The following SEC16A variants were observed in gnomAD, a reference collection of about 807,000 sequenced individuals.
The protein encoded by SEC16A is protein transport protein Sec16A.
In SEC16A, 110 loss-of-function variants were observed where a neutral mutation model predicts 221.9. The ratio of observed to expected loss-of-function variants is 0.50; its 90% CI spans 0.42 to 0.58. The LOEUF is 0.58. Ranked by LOEUF, SEC16A falls within the 20% of genes least tolerant of loss-of-function variation. SEC16A has a pLI of 0.00. For synonymous variants in SEC16A, 1,393 were observed against 1,257.7 expected, an observed-to-expected ratio of 1.11 and a Z score of -2.28; for missense variants, 3,165 against 3,097.8, an observed-to-expected ratio of 1.02 and a Z score of -0.52.
chr9:136,475,804 C>G lies in SEC16A; in HGVS notation c.1812G>C (p.Gln604His), dbSNP rs1409835587. 3 of 1,585,298 alleles carry G rather than the reference C, an allele frequency of 1.9e-6. No individual in the cohort carries two copies. Among genetic ancestry groups the G allele is most frequent in the East Asian group, 4.6e-5 (2 of 43,538 alleles). The change falls in exon 3 of 32, where the codon CAG becomes CAC. Residue 604 changes from glutamine (Q) to histidine (H), a missense_variant. By Grantham distance (24) the Gln-to-His change is conservative (BLOSUM62 0). Around this residue, in one of 3 missense-constraint regions of SEC16A, gnomAD observed 2,030 missense variants for 1,923.1 expected, o/e 1.06. Coordinates refer to ENST00000684901, the MANE Select transcript of SEC16A (RefSeq NM_014866.2). The surrounding 1 kb of genome is among the most constrained non-coding windows in gnomAD (Gnocchi z 5.0). Reference protein sequence around the residue: ...PSPPKPTGIFQTSANSSFEPV... With the variant: ...PSPPKPTGIFHTSANSSFEPV... ...GTTCGAAAGAACTATTTGCACTTGTCTGAAATATTCCTGTAGGTTTCGGGG... is the reference window on the plus strand; with the variant it reads ...GTTCGAAAGAACTATTTGCACTTGTGTGAAATATTCCTGTAGGTTTCGGGG...
In SEC16A at chr9:136,459,568, G is replaced by A. The variant is rs79041595; in HGVS notation, c.5192-13C>T. On this transcript the variant is annotated splice_polypyrimidine_tract_variant and intron_variant, in intron 15 of 31. Coordinates refer to ENST00000684901, the MANE Select transcript of SEC16A (RefSeq NM_014866.2). This position sits in a 1 kb window ranked among gnomAD's most constrained non-coding sequence, Gnocchi z 6.1. ...AGGCCCCTTGAAGCTGCGGAGAGAC[G>A]ACACGACACACGGCGGGGGCTCAGC... 27 of 1,569,690 alleles carry A rather than the reference G, an allele frequency of 1.7e-5. No individual in the cohort carries two copies. The highest frequency in any genetic ancestry group is 2.3e-5 in the East Asian group (1 of 43,148).
intron 30 of SEC16A, 107 bp downstream of exon 30, chr9:136,444,945 G>C: frequency 2.4e-6 from 2 of 850,110 alleles, no homozygotes; most frequent in Non-Finnish European, 1.9e-6. Context: ...GGAGACAACG[G>C]GCGAGGTTAG....
At chr9:136,461,118 C>A in intron 13 of SEC16A, 59 bp downstream of exon 13, 1 of 1,359,436 alleles carries the variant, frequency 7.4e-7, no homozygotes, top group Non-Finnish European at 1.0e-6. Context: ...GTGCGGACGC[C>A]GCGTGCTACA....
Position 136,475,734 on chromosome 9 carries a change from G to C in SEC16A, c.1882C>G (p.Arg628Gly). The C allele has an allele frequency of 1.2e-6, 2 of 1,609,800 alleles. No homozygotes were observed. Among genetic ancestry groups the C allele is most frequent in the South Asian group, 1.1e-5 (1 of 90,304 alleles). The change falls in exon 3 of 32, where the codon CGC becomes GGC. Residue 628 changes from arginine (R) to glycine (G), a missense_variant. Arg to Gly is a moderately radical substitution (Grantham distance 125). Coordinates refer to ENST00000684901, the MANE Select transcript of SEC16A (RefSeq NM_014866.2). The surrounding 1 kb of genome is among the most constrained non-coding windows in gnomAD (Gnocchi z 5.0). ...LVGVKPFEAD[R>G]ANVVGEVRET... Reference sequence around the variant, plus strand: ...CTTACTTCACCAACCACGTTGGCGCGATCTGCCTCAAATGGTTTTACCCCA... The same window carrying C: ...CTTACTTCACCAACCACGTTGGCGCCATCTGCCTCAAATGGTTTTACCCCA...
chr9:136,450,307 T>C (rs1472567360), intron 23 of SEC16A, among the ~76,000 whole-genome samples: 1 of 152,134 alleles, frequency 6.6e-6, no homozygotes, highest in Non-Finnish European at 1.5e-5. Flanking sequence ...AGAGGACTTA[T>C]ATCCATAATA....
At chr9:136,482,553 G>C (rs1323450978) in intron 1 of SEC16A, among the ~76,000 whole-genome samples, 1 of 152,242 alleles carries the variant, frequency 6.6e-6, no homozygotes, top group African/African-American at 2.4e-5. Flanking sequence ...ATGTAAATGT[G>C]TCTCTTCACC....
At chr9:136,443,468 T>C (rs1181813988) in intron 31 of SEC16A, among the ~76,000 whole-genome samples, 1 of 152,218 alleles carries the variant, frequency 6.6e-6, no homozygotes, top group African/African-American at 2.4e-5. Flanking sequence ...GAAGATCGCT[T>C]GAGCCTAGTA....
Position 136,464,440 on chromosome 9 carries a change from C to T in SEC16A, c.4426G>A (p.Val1476Met), listed in dbSNP as rs1481601000. Residue 1476 changes from valine to methionine, a missense_variant, in exon 9 of 32, where the codon GTG becomes ATG. Physicochemically the swap from Val to Met is conservative, Grantham distance 21. Coordinates refer to ENST00000684901, the MANE Select transcript of SEC16A (RefSeq NM_014866.2). Reference protein sequence around the residue: ...NLPSEGQPALVEVHSMEALLQ... With the variant: ...NLPSEGQPALMEVHSMEALLQ... ...ATTACCTCCATGCTGTGGACCTCCA[C>T]CAAGGCCGGCTGTCCTTCTGAAGGC... The T allele has an allele frequency of 1.2e-6, 2 of 1,611,388 alleles. No homozygotes were observed. The highest frequency in any genetic ancestry group is 1.7e-6 in the Non-Finnish European group (2 of 1,177,692).
intron 18 of SEC16A, among the ~76,000 whole-genome samples, chr9:136,457,195 C>T (rs1185229148): frequency 6.6e-6 from 1 of 152,238 alleles, no homozygotes. Flanking sequence ...GAGTATCCTA[C>T]AGGTAGTTCC....
rs201641913 is a variant in SEC16A at position 136,475,279 on chromosome 9, C to T, written c.2337G>A (p.Val779=). The T allele has an allele frequency of 1.1e-3, 1,739 of 1,613,382 alleles. 1 individual carries two copies. The highest frequency in any genetic ancestry group is 1.4e-3 in the South Asian group (124 of 91,088). The part of the protein sequence containing the change: ...QSRNPSSAAP[V]QSRGGIGASE... ...AAGCACCAATGCCACCTCGGCTCTG[C>T]ACCGGGGCCGCCGAGCTTGGGTTCC... Residue 779 remains valine (V), a synonymous_variant, in exon 3 of 32, where the codon GTG becomes GTA. Transcript: ENST00000684901. The surrounding 1 kb of genome is among the most constrained non-coding windows in gnomAD (Gnocchi z 5.0).
chr9:136,457,653 T>G (rs1456423380), intron 17 of SEC16A, 69 bp from the exon 18 acceptor site: 14 of 1,529,446 alleles, frequency 9.2e-6, no homozygotes, highest in African/African-American at 1.4e-5. Flanking sequence ...GACAAAGCCT[T>G]GTACTGCCCT....
At position 136,446,866 on chromosome 9, in the gene SEC16A, G is replaced by C; in HGVS notation, c.6781C>G (p.Pro2261Ala). The part of the protein sequence containing the change: ...ARGLANPEPA[P>A]EPKVLSSAAS... ...CCGTACCCGCTCACCTTGGGCTCTG[G>C]GGCAGGCTCTGGATTGGCCAGGCCC... The change falls in exon 28 of 32, where the codon CCA (proline) becomes GCA (alanine). Residue 2261 changes from proline (P) to alanine (A), a missense_variant. Coordinates refer to ENST00000684901, the MANE Select transcript of SEC16A (RefSeq NM_014866.2). 2.5e-6 allele frequency: 4 copies of C among 1,606,796 alleles called. No individual in the cohort carries two copies. The highest frequency in any genetic ancestry group is 3.4e-6 in the Non-Finnish European group (4 of 1,177,468).
rs767461222 is a variant in SEC16A at position 136,466,251 on chromosome 9, C to T, written c.4128+13G>A. The T allele has an allele frequency of 2.0e-5, 31 of 1,582,612 alleles. No homozygotes were observed. The East Asian group carries it at 4.1e-4, about 21-fold the overall frequency. On this transcript the variant is annotated intron_variant, in intron 7 of 31. Transcript: ENST00000684901. This position sits in a 1 kb window ranked among gnomAD's most constrained non-coding sequence, Gnocchi z 5.5. ...CACAACCGTCCGCGTGTCTGTGAGG[C>T]GCCGCCGCGTACCTGGTGCGAGTGG... is the stretch of plus-strand genomic sequence containing the variant.
In SEC16A at chr9:136,475,252, A is replaced by G. The variant is rs766606669; in HGVS notation, c.2364T>C (p.Ser788=). The G allele has an allele frequency of 3.7e-6, 6 of 1,613,496 alleles. No homozygotes were observed. The African/African-American group carries it at 5.3e-5, about 14-fold the overall frequency. The change falls in exon 3 of 32, where the codon TCT becomes TCC. Residue 788 remains serine (S), a synonymous_variant. Coordinates refer to ENST00000684901, the MANE Select transcript of SEC16A (RefSeq NM_014866.2). This position sits in a 1 kb window ranked among gnomAD's most constrained non-coding sequence, Gnocchi z 5.0. ...TTTTGGGAGGATTCTCAAGGTTCTCAGAAGCACCAATGCCACCTCGGCTCT... is the reference window on the plus strand; with the variant it reads ...TTTTGGGAGGATTCTCAAGGTTCTCGGAAGCACCAATGCCACCTCGGCTCT... ...PVQSRGGIGA[S]ENLENPPKMG... is the part of the protein sequence containing the mutation.
chr9:136,455,838 C>A, intron 19 of SEC16A, 45 bp from the exon 20 acceptor site: 1 of 1,520,510 alleles, frequency 6.6e-7, no homozygotes, highest in Non-Finnish European at 8.9e-7. Context: ...CCTGTGGCCG[C>A]TCTGCAGCGC....
rs1588950383 is a variant in SEC16A, at chr9:136,463,024, C to T, written c.4756G>A (p.Ala1586Thr). 6.2e-7 allele frequency: 1 copy of T among 1,612,328 alleles called. No individual in the cohort carries two copies. Among genetic ancestry groups the T allele is most frequent in the Non-Finnish European group, 8.5e-7 (1 of 1,179,898 alleles). ...EANLIDFTNE[A>T]VEQVEEEESG... ...TCCTCCTCTTCCACCTGCTCCACTG[C>T]CTCATTCGTGAAATCAATCAGGTTT... is the stretch of plus-strand genomic sequence containing the variant. The change falls in exon 12 of 32, where the codon GCA (alanine) becomes ACA (threonine). Residue 1586 changes from alanine to threonine, a missense_variant. By Grantham distance (58) the Ala-to-Thr change is moderately conservative. Coordinates refer to ENST00000684901, the MANE Select transcript of SEC16A (RefSeq NM_014866.2).
In SEC16A at chr9:136,454,188, G is replaced by C; in HGVS notation, c.5997C>G (p.Ser1999=). 1 of 1,560,940 alleles carries C rather than the reference G, an allele frequency of 6.4e-7. No homozygotes were observed. The highest frequency in any genetic ancestry group is 1.4e-5 in the African/African-American group (1 of 73,746). Residue 1999 remains serine, a synonymous_variant, in exon 21 of 32, where the codon TCC becomes TCG. Transcript: ENST00000684901. ...PGPALGFLEP[S]GPGLPPGVPP... Reference sequence around the variant, plus strand: ...GCACACCAGGTGGGAGGCCAGGCCCGGAGGGCTCCAGGAAGCCAAGTGCAG... The same window carrying C: ...GCACACCAGGTGGGAGGCCAGGCCCCGAGGGCTCCAGGAAGCCAAGTGCAG...
At chr9:136,448,277 CCA>C (rs775261036) in intron 23 of SEC16A, 116 bp from the exon 24 acceptor site, 10 of 807,394 alleles carry the variant, frequency 1.2e-5, no homozygotes, top group East Asian at 2.6e-5. Flanking sequence ...GTCGCCAGAT[CCA>C]CAGAGACACC....
At chr9:136,478,951 A>G (rs985831132) in intron 1 of SEC16A, among the ~76,000 whole-genome samples, 121 bp from the exon 2 acceptor site, 4 of 152,080 alleles carry the variant, frequency 2.6e-5, no homozygotes, top group Admixed American at 6.6e-5. Flanking sequence ...CCGTTTTTGT[A>G]CTGTGACTGG....
Sources: allele counts gnomAD v4.1 joint callset (sites outside exome capture counted in the v4.1 genomes callset), GRCh38; gene constraint gnomAD v4.1.1; regional missense constraint gnomAD v4.1.1; non-coding constraint Gnocchi (gnomAD v3.1); transcripts MANE v1.5; gene names NCBI Gene and HGNC (gene_info 2026-07-23, HGNC 2026-07-21).